Variants in STX8 observed in about 807,000 individuals in gnomAD.
The protein encoded by STX8 is syntaxin 8, also known as syntaxin-8.
Under a neutral mutation model 37.5 loss-of-function variants are expected in STX8, and 23 were observed. The ratio of observed to expected loss-of-function variants is 0.61; its 90% CI spans 0.44 to 0.87. The LOEUF (loss-of-function observed/expected upper bound fraction) is 0.87. Among genes scored for constraint, STX8 ranks in the 40% least tolerant of loss-of-function variants. The pLI is 0.00. For missense variants in STX8, 313 were observed against 284.7 expected (o/e 1.10, Z -0.71); for synonymous variants, 115 against 99.1 (o/e 1.16, Z -0.95).
intron 3 of STX8, among the ~76,000 whole-genome samples, chr17:9,546,591 G>GTTTTTT (rs386385626): frequency 0.011 from 578 of 52,130 alleles, 16 homozygotes; most frequent in Middle Eastern, 0.028. Flanking sequence ...TACAAAAGTG[G>GTTTTTT]TTTTTTTTTT....
At chr17:9,398,644 G>A (rs1464570075) in intron 6 of STX8, among the ~76,000 whole-genome samples, 1 of 152,144 alleles carries the variant, frequency 6.6e-6, no homozygotes, top group Non-Finnish European at 1.5e-5. Context: ...AGGGGAAAAT[G>A]GATGTGGAGT....
rs1243792535 is a variant in STX8 at position 9,526,785 on chromosome 17, G to A, written c.323+18387C>T. On this transcript the variant is annotated intron_variant, in intron 4 of 7. Transcript: ENST00000306357. ...CTCGGGAGGCTGAGGCAGGAGAATC[G>A]CTGGGAGGTGGAGGTTGCGGTGAGC... Among the ~76,000 whole-genome samples, 5 of 151,800 alleles carry A rather than the reference G, an allele frequency of 3.3e-5. No individual in the cohort carries two copies. The South Asian group carries it at 6.3e-4, about 19-fold the overall frequency.
chr17:9,430,487 G>C lies in STX8; in HGVS notation c.542-51834C>G, dbSNP rs370036473. On this transcript the variant is annotated intron_variant, in intron 6 of 7. Coordinates refer to ENST00000306357, the MANE Select transcript of STX8 (RefSeq NM_004853.3). Reference sequence around the variant, plus strand: ...GAAATCATACAATATTTGTCTTTTTGTATCTGGCTTATTTCACTGAATGTC... The same window carrying C: ...GAAATCATACAATATTTGTCTTTTTCTATCTGGCTTATTTCACTGAATGTC... Among the ~76,000 whole-genome samples, 13 of 150,848 alleles carry C rather than the reference G, an allele frequency of 8.6e-5. No individual in the cohort carries two copies. In the East Asian group the frequency reaches 2.1e-3, roughly 25 times the overall value.
intron 4 of STX8, among the ~76,000 whole-genome samples, chr17:9,534,557 G>A (rs1216147928): frequency 6.6e-6 from 1 of 152,142 alleles, no homozygotes; most frequent in African/African-American, 2.4e-5. Flanking sequence ...TTGGGAGGCC[G>A]AGCTAGGCGG....
intron 4 of STX8, among the ~76,000 whole-genome samples, chr17:9,509,578 G>A (rs1052359609): frequency 2.6e-5 from 4 of 151,986 alleles, no homozygotes; most frequent in African/African-American, 9.7e-5. Flanking sequence ...GATCATAACA[G>A]CCATTATAAA....
chr17:9,403,800 C>A (rs555991052), intron 6 of STX8, among the ~76,000 whole-genome samples: 1 of 152,050 alleles, frequency 6.6e-6, no homozygotes, highest in African/African-American at 2.4e-5. Flanking sequence ...GAGTCTGCAA[C>A]CACGCCTGGC....
intron 7 of STX8, chr17:9,283,372 C>T (rs1195704855): frequency 1.3e-5 from 2 of 152,128 alleles, no homozygotes; most frequent in Non-Finnish European, 2.9e-5. Flanking sequence ...GAAACCCCGT[C>T]TCTACTAAAA....
intron 1 of STX8, among the ~76,000 whole-genome samples, chr17:9,572,234 T>C (rs1251105143): frequency 1.3e-5 from 2 of 152,242 alleles, no homozygotes; most frequent in Non-Finnish European, 2.9e-5. Flanking sequence ...TCAGAGACAG[T>C]GATCATGGGC....
intron 4 of STX8, among the ~76,000 whole-genome samples, chr17:9,544,778 G>T (rs923041231): frequency 9.2e-5 from 14 of 152,208 alleles, no homozygotes; most frequent in Non-Finnish European, 2.1e-4. Flanking sequence ...GGATCACGAG[G>T]TCAGGAGATC....
chr17:9,485,098 G>T (rs1034258523), intron 6 of STX8, among the ~76,000 whole-genome samples: 5 of 150,426 alleles, frequency 3.3e-5, no homozygotes, highest in African/African-American at 1.2e-4. Context: ...AGTCCAGCCT[G>T]AGCAACATGC....
At chr17:9,335,541 C>T (rs896072620) in intron 7 of STX8, among the ~76,000 whole-genome samples, 5 of 151,884 alleles carry the variant, frequency 3.3e-5, no homozygotes, top group African/African-American at 7.3e-5. Context: ...CATGTAGACA[C>T]GCTATATGCA....
intron 6 of STX8, among the ~76,000 whole-genome samples, chr17:9,387,732 C>T (rs1035767067): frequency 5.3e-5 from 8 of 152,132 alleles, no homozygotes; most frequent in African/African-American, 7.2e-5. Context: ...ATCAGTATTG[C>T]GTGATGCATC....
chr17:9,444,126 C>T (rs1391761341), intron 6 of STX8, among the ~76,000 whole-genome samples: 1 of 148,622 alleles, frequency 6.7e-6, no homozygotes, highest in Non-Finnish European at 1.5e-5. Flanking sequence ...TTTATTCACA[C>T]ACACTTTCGC....
At chr17:9,401,927 A>C (rs1015364637) in intron 6 of STX8, among the ~76,000 whole-genome samples, 9 of 151,880 alleles carry the variant, frequency 5.9e-5, no homozygotes, top group African/African-American at 1.9e-4. Context: ...CACTTCAGAC[A>C]TATTTTTTTA....
chr17:9,344,864 C>G lies in STX8; in HGVS notation c.643+33688G>C, dbSNP rs530476835. Among the ~76,000 whole-genome samples the G allele has an allele frequency of 5.1e-4, 78 of 152,350 alleles. 1 individual carries two copies. The Middle Eastern group carries it at 0.014, about 27-fold the overall frequency. On this transcript the variant is annotated intron_variant, in intron 7 of 7. Transcript: ENST00000306357. ...CACACAACACACCCAGCCTTTGCAT[C>G]TGGTTTAGTGACTTGTTAGCTTACA...
At chr17:9,381,261 TC>T (rs1911808493) in intron 6 of STX8, among the ~76,000 whole-genome samples, 1 of 150,586 alleles carries the variant, frequency 6.6e-6, no homozygotes, top group African/African-American at 2.5e-5. Flanking sequence ...TTTTTTTTCC[TC>T]CCTCCTTCTC....
In STX8 at chr17:9,250,611, A is replaced by G; in HGVS notation, c.678T>C (p.Ala226=). Residue 226 remains alanine, a synonymous_variant, in exon 8 of 8, where the codon GCT becomes GCC. Coordinates refer to ENST00000306357, the MANE Select transcript of STX8 (RefSeq NM_004853.3). ...MIMVILLLLV[A]IVVVAVWPTN ...TCGGCCAGACTGCAACAACCACGAT[A>G]GCCACAAGCAGCAGTAAAATCACCA... 6.2e-7 allele frequency: 1 copy of G among 1,600,610 alleles called. No homozygotes were observed. The highest frequency in any genetic ancestry group is 8.5e-7 in the Non-Finnish European group (1 of 1,173,838).
At chr17:9,557,671 C>T (rs1343711095) in intron 2 of STX8, 143 bp from the exon 3 acceptor site, 7 of 698,044 alleles carry the variant, frequency 1.0e-5, no homozygotes, top group Non-Finnish European at 1.7e-5. Flanking sequence ...TCACGACAAA[C>T]TCAGGGCTGG....
intron 7 of STX8, among the ~76,000 whole-genome samples, chr17:9,339,647 G>A (rs1910269553): frequency 6.6e-6 from 1 of 151,946 alleles, no homozygotes; most frequent in Admixed American, 6.6e-5. Flanking sequence ...GGGCGACAGA[G>A]TGAGACACCA....
Sources: gnomAD v4.1 joint callset for allele counts (sites outside exome capture counted in the v4.1 genomes callset) on GRCh38, gnomAD v4.1.1 for gene constraint, MANE v1.5 for transcripts, NCBI Gene and HGNC (gene_info 2026-07-23, HGNC 2026-07-21) for gene names.